Variants in NRCAM observed in about 807,000 individuals in gnomAD.
NRCAM encodes the protein neuronal cell adhesion molecule, also known as NgCAM-related cell adhesion molecule.
Under a neutral mutation model 156.5 loss-of-function variants are expected in NRCAM, and 83 were observed. The observed-to-expected ratio is 0.53, with a 90% confidence interval of 0.44 to 0.64. The LOEUF is 0.64. Among genes scored for constraint, NRCAM ranks in the 30% least tolerant of loss-of-function variants. The pLI is 0.00. For missense variants in NRCAM, 1,417 were observed against 1,597.3 expected (o/e 0.89, Z 1.92); for synonymous variants, 538 against 563.9 (o/e 0.95, Z 0.65).
At chr7:108,436,959 C>T (rs1420894453) in intron 1 of NRCAM, among the ~76,000 whole-genome samples, 3 of 152,226 alleles carry the variant, frequency 2.0e-5, no homozygotes, top group Middle Eastern at 3.4e-3. Flanking sequence ...AAGAGATATC[C>T]GCATTCCCAT....
chr7:108,304,700 G>A (rs1342717505), intron 3 of NRCAM, among the ~76,000 whole-genome samples: 2 of 152,094 alleles, frequency 1.3e-5, no homozygotes, highest in Non-Finnish European at 2.9e-5. Context: ...TATAAACAAT[G>A]TTCCCAGCAC....
intron 20 of NRCAM, among the ~76,000 whole-genome samples, chr7:108,185,588 G>A (rs191375696): frequency 2.0e-5 from 3 of 152,074 alleles, no homozygotes; most frequent in South Asian, 2.1e-4. Context: ...GTGTGGTGGC[G>A]TGCACCTATA....
At chr7:108,160,324 G>A (rs771240881) in intron 31 of NRCAM, 37 bp downstream of exon 31, 60 of 1,574,354 alleles carry the variant, frequency 3.8e-5, no homozygotes, top group Non-Finnish European at 5.1e-5. Context: ...GGATTATTAT[G>A]TAGCATTATA....
At chr7:108,362,881 A>T (rs907667768) in intron 2 of NRCAM, among the ~76,000 whole-genome samples, 1 of 152,176 alleles carries the variant, frequency 6.6e-6, no homozygotes, top group African/African-American at 2.4e-5. Context: ...TAGTGACCAA[A>T]TCTTGGTTTC....
intron 28 of NRCAM, among the ~76,000 whole-genome samples, chr7:108,174,493 G>C (rs1406132278): frequency 6.6e-6 from 1 of 152,212 alleles, no homozygotes; most frequent in East Asian, 1.9e-4. Flanking sequence ...CCCAGTGGCA[G>C]GTACTCCACT....
intron 2 of NRCAM, among the ~76,000 whole-genome samples, chr7:108,319,397 C>A (rs1387797754): frequency 1.3e-5 from 2 of 152,196 alleles, no homozygotes; most frequent in Non-Finnish European, 2.9e-5. Context: ...GAAAAAATCC[C>A]TGCCCTCATA....
chr7:108,191,591 CA>C lies in NRCAM; in HGVS notation c.1903+137del, dbSNP rs1402347149. On this transcript the variant is annotated intron_variant, in intron 18 of 32. Coordinates refer to ENST00000379028, the MANE Select transcript of NRCAM (RefSeq NM_001037132.4). ...AAATTATTGCCTCCAAGGCATCTTT[CA>C]AAGAAGAAAAACATGGGTATGAACT... The C allele has an allele frequency of 1.8e-5, 19 of 1,084,596 alleles. No individual in the cohort carries two copies. The African/African-American group carries it at 2.5e-4, about 14-fold the overall frequency. 67.2% of individuals were successfully genotyped at this position (1,084,596 alleles called of 1,614,324 possible).
intron 25 of NRCAM, 107 bp downstream of exon 25, chr7:108,180,116 A>G: frequency 1.1e-6 from 1 of 881,502 alleles, no homozygotes; most frequent in South Asian, 1.7e-5. Context: ...AATTTCAATC[A>G]CATTTGGCTT....
At chr7:108,443,001 A>T (rs1182111386) in intron 1 of NRCAM, among the ~76,000 whole-genome samples, 1 of 152,180 alleles carries the variant, frequency 6.6e-6, no homozygotes, top group Non-Finnish European at 1.5e-5. Context: ...AAATAAATTT[A>T]TGTCTGTAGC....
At chr7:108,348,942 G>C (rs971488129) in intron 2 of NRCAM, among the ~76,000 whole-genome samples, 7 of 151,678 alleles carry the variant, frequency 4.6e-5, no homozygotes, top group African/African-American at 1.7e-4. Context: ...GTCTTTAGGG[G>C]CAGCCAAGGA....
At chr7:108,352,081 A>C (rs2099416961) in intron 2 of NRCAM, among the ~76,000 whole-genome samples, 1 of 152,232 alleles carries the variant, frequency 6.6e-6, no homozygotes, top group African/African-American at 2.4e-5. Flanking sequence ...AGCCACCATT[A>C]TACAAAGTAT....
At chr7:108,166,863 G>C in intron 30 of NRCAM, 58 bp downstream of exon 30, 1 of 1,541,984 alleles carries the variant, frequency 6.5e-7, no homozygotes, top group South Asian at 1.2e-5. Context: ...TCCAGCTGGA[G>C]CACCTGGCGG....
At chr7:108,381,960 GGA>G (rs535433726) in intron 2 of NRCAM, among the ~76,000 whole-genome samples, 11 of 152,158 alleles carry the variant, frequency 7.2e-5, no homozygotes, top group Non-Finnish European at 1.5e-4. Context: ...CATTAAATAA[GGA>G]GAGATACAGA....
At chr7:108,336,524 TCTC>T (rs2099193833) in intron 2 of NRCAM, among the ~76,000 whole-genome samples, 1 of 152,184 alleles carries the variant, frequency 6.6e-6, no homozygotes, top group African/African-American at 2.4e-5. Flanking sequence ...GTTAAAAGGT[TCTC>T]CTGATTTTCT....
intron 1 of NRCAM, among the ~76,000 whole-genome samples, chr7:108,408,633 G>A (rs1293718742): frequency 1.3e-5 from 2 of 152,196 alleles, no homozygotes; most frequent in Non-Finnish European, 2.9e-5. Flanking sequence ...CCTCTTATTA[G>A]GGAAAATTGA....
At chr7:108,155,158 G>T (rs2044547274) in intron 32 of NRCAM, among the ~76,000 whole-genome samples, 1 of 146,224 alleles carries the variant, frequency 6.8e-6, no homozygotes, top group African/African-American at 2.5e-5. Flanking sequence ...AGCAGACCTT[G>T]ATTTTAATCA....
intron 15 of NRCAM, 44 bp from the exon 16 acceptor site, chr7:108,194,472 A>G (rs2073822980): frequency 1.4e-6 from 2 of 1,388,516 alleles, no homozygotes; most frequent in East Asian, 4.7e-5. Context: ...AACACATTAT[A>G]TTTTGAAGTC....
intron 5 of NRCAM, among the ~76,000 whole-genome samples, chr7:108,236,361 G>A (rs2095000256): frequency 1.3e-5 from 2 of 152,118 alleles, no homozygotes; most frequent in African/African-American, 4.8e-5. Context: ...AGGGTACTGG[G>A]CAGTGTCAGT....
intron 1 of NRCAM, among the ~76,000 whole-genome samples, chr7:108,434,714 C>A (rs1373404564): frequency 6.6e-6 from 1 of 152,134 alleles, no homozygotes; most frequent in Non-Finnish European, 1.5e-5. Flanking sequence ...GTATTTGAGT[C>A]CAACTTTTGG....
Sources: gnomAD v4.1 joint callset for allele counts (sites outside exome capture counted in the v4.1 genomes callset) on GRCh38, gnomAD v4.1.1 for gene constraint, MANE v1.5 for transcripts, NCBI Gene and HGNC (gene_info 2026-07-23, HGNC 2026-07-21) for gene names.